The following CYB5R1 variants were observed in gnomAD, a reference collection of about 807,000 sequenced individuals.
CYB5R1 encodes cytochrome b5 reductase 1, also known as NADH-cytochrome b5 reductase 1.
In CYB5R1, 32 loss-of-function variants were observed where a neutral mutation model predicts 37.4. The ratio of observed to expected loss-of-function variants is 0.86; its 90% CI spans 0.65 to 1.15. The LOEUF is 1.15. Ranked by LOEUF, CYB5R1 falls within the 50% of genes most tolerant of loss-of-function variation. The pLI, the probability that CYB5R1 is intolerant of heterozygous loss-of-function variation, is 0.00. For synonymous variants in CYB5R1, 159 were observed against 155.2 expected (o/e 1.02, Z -0.18); for missense variants, 345 against 382.5 (o/e 0.90, Z 0.82).
rs141825609 is a variant in CYB5R1 at position 202,965,633 on chromosome 1, C to CTTT, written c.346-136_346-134dup. The CTTT allele has an allele frequency of 6.5e-4, 524 of 805,190 alleles. 8 individuals are homozygous for CTTT. Among genetic ancestry groups the CTTT allele is most frequent in the Middle Eastern group, 1.5e-3 (4 of 2,624 alleles). 49.9% of individuals were successfully genotyped at this position (805,190 alleles called of 1,614,324 possible). A position where few individuals can be genotyped will look rare whatever the true frequency, so the allele number is the denominator to read the frequency against. ...TTTTCCCCGTCTACATACTTTCTTT[C>CTTT]TTTCTTTTTTTTTTTTGAGTCAGAG... On this transcript the variant is annotated intron_variant, in intron 4 of 8. Transcript: ENST00000367249.
At position 202,963,646 on chromosome 1, in the gene CYB5R1, T is replaced by G. The variant is rs1287089862; in HGVS notation, c.641A>C (p.Asn214Thr). 6.2e-7 allele frequency: 1 copy of G among 1,605,162 alleles called. No homozygotes were observed. The highest frequency in any genetic ancestry group is 8.5e-7 in the Non-Finnish European group (1 of 1,175,012). The change falls in exon 7 of 9, where the codon AAC (asparagine) becomes ACC (threonine). Residue 214 changes from asparagine (N) to threonine (T), a missense_variant. Asn to Thr is a moderately conservative substitution (Grantham distance 65). Transcript: ENST00000367249. ...GGTGGAGGAAAACAAACCAACCTGG[T>G]TGGCAAAAAGCAGAAAGCACTGGGT... is the stretch of plus-strand genomic sequence containing the variant. ...DPTQCFLLFANQTEKDIILRE... is the reference protein window; with the variant it reads ...DPTQCFLLFATQTEKDIILRE...
chr1:202,965,458 T>C lies in CYB5R1; in HGVS notation c.388A>G (p.Lys130Glu). Residue 130 changes from lysine (K) to glutamate (E), a missense_variant, in exon 5 of 9, where the codon AAG (lysine) becomes GAG (glutamate). By Grantham distance (56) the Lys-to-Glu change is moderately conservative. Coordinates refer to ENST00000367249, the MANE Select transcript of CYB5R1 (RefSeq NM_016243.3). ...GVHPKFPEGG[K>E]MSQYLDSLKV... is the part of the protein sequence containing the mutation. ...AGGCTATCCAGGTACTGAGACATCT[T>C]CCCTCCCTCAGGAAATTTGGGGTGC... 1 of 1,602,302 alleles carries C rather than the reference T, an allele frequency of 6.2e-7. No individual in the cohort carries two copies. Among genetic ancestry groups the C allele is most frequent in the Non-Finnish European group, 8.5e-7 (1 of 1,174,504 alleles).
chr1:202,962,518 G>T lies in CYB5R1; in HGVS notation c.*9C>A, dbSNP rs1458237697. 6.3e-7 allele frequency: 1 copy of T among 1,598,108 alleles called. No homozygotes were observed. Among genetic ancestry groups the T allele is most frequent in the African/African-American group, 1.3e-5 (1 of 74,504 alleles). On this transcript the variant is annotated 3_prime_UTR_variant, in exon 9 of 9. Coordinates refer to ENST00000367249, the MANE Select transcript of CYB5R1 (RefSeq NM_016243.3). ...TGCAGCGAACAGCACCAGGGAAGCT[G>T]GAGGATGCTCAGTAGGTGAATCGCA...
At chr1:202,963,538 G>T in intron 7 of CYB5R1, 104 bp downstream of exon 7, 1 of 809,260 alleles carries the variant, frequency 1.2e-6, no homozygotes, top group Non-Finnish European at 2.0e-6. Flanking sequence ...CTTGGGCAGA[G>T]GCTAAAACAG....
chr1:202,966,902 TG>T lies in CYB5R1; in HGVS notation c.16-5del, dbSNP rs1558021359. 6.2e-7 allele frequency: 1 copy of T among 1,603,370 alleles called. No individual in the cohort carries two copies. The highest frequency in any genetic ancestry group is 1.7e-5 in the Admixed American group (1 of 58,192). The stretch of plus-strand genomic sequence containing the variant: ...GGGAGGCCAGCAGGACGGGGCTCTG[TG>T]GGTAGAGGAGGCAGCGTGACCGCCA... On this transcript the variant is annotated splice_polypyrimidine_tract_variant and splice_region_variant and intron_variant, in intron 1 of 8. Transcript: ENST00000367249.
At chr1:202,963,599 C>T in intron 7 of CYB5R1, 43 bp downstream of exon 7, 2 of 1,460,994 alleles carry the variant, frequency 1.4e-6, no homozygotes, top group Non-Finnish European at 1.9e-6. Flanking sequence ...GCCCTACCCA[C>T]ACAGCAACTT....
intron 7 of CYB5R1, 165 bp from the exon 8 acceptor site, chr1:202,963,330 A>ACC: frequency 1.7e-6 from 1 of 593,340 alleles, no homozygotes; most frequent in East Asian, 2.8e-5. Flanking sequence ...GGATGAGGAG[A>ACC]AGAGGGGAAC....
At position 202,967,104 on chromosome 1, in the gene CYB5R1, G is replaced by A. The variant is rs909514212; in HGVS notation, c.15+87C>T. The A allele has an allele frequency of 7.2e-6, 11 of 1,519,332 alleles. No individual in the cohort carries two copies. In the African/African-American group the frequency reaches 1.4e-4, roughly 19 times the overall value. The allele number at this position is 1,519,332 out of a possible 1,614,324, so 94.1% of individuals were successfully genotyped here. A position where few individuals can be genotyped will look rare whatever the true frequency, so the allele number is the denominator to read the frequency against. The stretch of plus-strand genomic sequence containing the variant: ...CCCAGAGCCCTGCGGGGCGGGGTCG[G>A]CAGCGACAGCCCCTGGTCCGGAGCT... On this transcript the variant is annotated intron_variant, in intron 1 of 8. Coordinates refer to ENST00000367249, the MANE Select transcript of CYB5R1 (RefSeq NM_016243.3).
chr1:202,962,159 C>T lies in CYB5R1; in HGVS notation c.*368G>A, dbSNP rs1386057015. On this transcript the variant is annotated 3_prime_UTR_variant, in exon 9 of 9. Coordinates refer to ENST00000367249, the MANE Select transcript of CYB5R1 (RefSeq NM_016243.3). ...TGAACAGTGAAGTTTAAGTAAAACC[C>T]ATTGCACAGACTGTTCCTTTCATCA... The T allele has an allele frequency of 1.0e-5, 2 of 194,170 alleles. No individual in the cohort carries two copies. The highest frequency in any genetic ancestry group is 4.7e-5 in the African/African-American group (2 of 42,712). 12.0% of individuals were successfully genotyped at this position (194,170 alleles called of 1,614,324 possible). A position where few individuals can be genotyped will look rare whatever the true frequency, so the allele number is the denominator to read the frequency against.
intron 2 of CYB5R1, 40 bp from the exon 3 acceptor site, chr1:202,966,640 T>G: frequency 3.7e-6 from 6 of 1,613,922 alleles, no homozygotes; most frequent in Non-Finnish European, 5.1e-6. Context: ...CAAGCGCGCC[T>G]GGCGCTGCCA....
At position 202,962,393 on chromosome 1, in the gene CYB5R1, G is replaced by C; in HGVS notation, c.*134C>G. On this transcript the variant is annotated 3_prime_UTR_variant, in exon 9 of 9. Coordinates refer to ENST00000367249, the MANE Select transcript of CYB5R1 (RefSeq NM_016243.3). Reference sequence around the variant, plus strand: ...GGCTACAGGAATATTGTTCCTGCAGGTACTATCCAGATTTCAGCTCTAGAT... The same window carrying C: ...GGCTACAGGAATATTGTTCCTGCAGCTACTATCCAGATTTCAGCTCTAGAT... 9.2e-7 allele frequency: 1 copy of C among 1,089,390 alleles called. No homozygotes were observed. The highest frequency in any genetic ancestry group is 1.3e-6 in the Non-Finnish European group (1 of 758,088). 67.5% of individuals were successfully genotyped at this position (1,089,390 alleles called of 1,614,324 possible).
At chr1:202,966,970 G>C in intron 1 of CYB5R1, 72 bp from the exon 2 acceptor site, 1 of 1,505,342 alleles carries the variant, frequency 6.6e-7, no homozygotes, top group South Asian at 1.2e-5. Flanking sequence ...ACCGTCCCAG[G>C]GGTGGCGATC....
At chr1:202,963,804 T>C in intron 6 of CYB5R1, 77 bp from the exon 7 acceptor site, 1 of 928,988 alleles carries the variant, frequency 1.1e-6, no homozygotes, top group South Asian at 2.0e-5. Context: ...TGACCAGCCC[T>C]TTCATCTTCA....
intron 1 of CYB5R1, 139 bp downstream of exon 1, chr1:202,967,052 G>C: frequency 7.0e-7 from 1 of 1,425,066 alleles, no homozygotes. Flanking sequence ...GGATGTGCGG[G>C]ATCGGGACCC....
chr1:202,965,854 A>G (rs750464274), intron 4 of CYB5R1, 33 bp downstream of exon 4: 18 of 1,430,488 alleles, frequency 1.3e-5, no homozygotes, highest in East Asian at 4.5e-5. Flanking sequence ...AAGAATGGGT[A>G]AGCAGCCCCT....
intron 7 of CYB5R1, 48 bp from the exon 8 acceptor site, chr1:202,963,213 A>C: frequency 7.0e-7 from 1 of 1,433,842 alleles, no homozygotes. Flanking sequence ...TCTCAGGCCC[A>C]CATAAAAAGT....
intron 4 of CYB5R1, 79 bp from the exon 5 acceptor site, chr1:202,965,579 G>C: frequency 7.1e-7 from 1 of 1,407,148 alleles, no homozygotes; most frequent in African/African-American, 1.5e-5. Context: ...CCTCCCTGAG[G>C]CTGGGGCAGG....
Position 202,965,423 on chromosome 1 carries a change from C to T in CYB5R1, c.423G>A (p.Gly141=), listed in dbSNP as rs531573364. The T allele has an allele frequency of 4.4e-6, 7 of 1,608,400 alleles. No individual in the cohort carries two copies. In the East Asian group the frequency reaches 1.4e-4, roughly 31 times the overall value. The part of the protein sequence containing the change: ...MSQYLDSLKV[G]DVVEFRGPSG... ...TTGGCCCCCGAAACTCCACCACATC[C>T]CCAACCTTCAGGCTATCCAGGTACT... is the stretch of plus-strand genomic sequence containing the variant. The change falls in exon 5 of 9, where the codon GGG becomes GGA. Residue 141 remains glycine, a synonymous_variant. Coordinates refer to ENST00000367249, the MANE Select transcript of CYB5R1 (RefSeq NM_016243.3).
Position 202,963,417 on chromosome 1 carries a change from A to G in CYB5R1, c.645+225T>C, listed in dbSNP as rs1055327823. 1.9e-5 allele frequency: 11 copies of G among 594,006 alleles called. No individual in the cohort carries two copies. The Admixed American group carries it at 3.4e-4, about 19-fold the overall frequency. The allele number at this position is 594,006 out of a possible 1,614,324, so 36.8% of individuals were successfully genotyped here. A position where few individuals can be genotyped will look rare whatever the true frequency, so the allele number is the denominator to read the frequency against. On this transcript the variant is annotated intron_variant, in intron 7 of 8. Coordinates refer to ENST00000367249, the MANE Select transcript of CYB5R1 (RefSeq NM_016243.3). ...GATCTAAGTTTCTGTGCTCCAGACT[A>G]GATACCTTAAAAGTTTTCTTCTTTC... is the stretch of plus-strand genomic sequence containing the variant.
Sources: gnomAD v4.1 joint callset for allele counts on GRCh38, gnomAD v4.1.1 for gene constraint, MANE v1.5 for transcripts, NCBI Gene and HGNC (gene_info 2026-07-23, HGNC 2026-07-21) for gene names.